Variants in GPC6 observed in about 807,000 individuals in gnomAD.
The protein encoded by GPC6 is glypican 6, also known as glypican-6.
A neutral mutation model predicts 55.2 loss-of-function variants in GPC6; 14 were observed. That is an observed-to-expected ratio of 0.25 (90% CI 0.17 to 0.40). GPC6 has a LOEUF of 0.40. GPC6 is among the 10% of genes least tolerant of loss of function. The pLI, the probability that GPC6 is intolerant of heterozygous loss-of-function variation, is 1.00. For synonymous variants in GPC6, 278 were observed against 259.6 expected, an observed-to-expected ratio of 1.07 and a Z score of -0.68; for missense variants, 641 against 708.5, an observed-to-expected ratio of 0.90 and a Z score of 1.08.
chr13:94,126,442 A>G (rs1168082164), intron 4 of GPC6, among the ~76,000 whole-genome samples: 1 of 152,142 alleles, frequency 6.6e-6, no homozygotes, highest in East Asian at 1.9e-4. Context: ...CCGATTTCAA[A>G]TTTATACTTA....
upstream of GPC6, among the ~76,000 whole-genome samples, chr13:93,225,957 A>C (rs1875764570): frequency 6.6e-6 from 1 of 152,216 alleles, no homozygotes; most frequent in African/African-American, 2.4e-5. Flanking sequence ...GTTTCAACAC[A>C]CACTTCTGCC....
chr13:94,250,570 C>T (rs1236647434), intron 4 of GPC6, among the ~76,000 whole-genome samples: 1 of 152,106 alleles, frequency 6.6e-6, no homozygotes, highest in African/African-American at 2.4e-5. Flanking sequence ...ATAATGAAAG[C>T]TCCCCAAATA....
intron 4 of GPC6, among the ~76,000 whole-genome samples, chr13:94,096,457 T>C (rs1244387578): frequency 6.6e-6 from 1 of 152,158 alleles, no homozygotes; most frequent in Non-Finnish European, 1.5e-5. Flanking sequence ...ACCAATATAT[T>C]TGAGAGGCTC....
At chr13:93,487,669 G>T (rs562432885) in intron 1 of GPC6, among the ~76,000 whole-genome samples, 2 of 152,234 alleles carry the variant, frequency 1.3e-5, no homozygotes, top group East Asian at 3.9e-4. Context: ...ATTTGTATTG[G>T]AACACTGTGC....
chr13:93,240,449 A>C (rs898367719), intron 1 of GPC6, among the ~76,000 whole-genome samples: 1 of 151,918 alleles, frequency 6.6e-6, no homozygotes, highest in Non-Finnish European at 1.5e-5. Flanking sequence ...CTGATATAAG[A>C]ATGACCAGTG....
At chr13:94,304,919 G>C (rs1875864012) in intron 5 of GPC6, among the ~76,000 whole-genome samples, 1 of 152,220 alleles carries the variant, frequency 6.6e-6, no homozygotes. Context: ...GCTCAAGAGA[G>C]TGTTTTTAAA....
At chr13:94,315,991 T>C (rs954999396) in intron 6 of GPC6, among the ~76,000 whole-genome samples, 1 of 152,182 alleles carries the variant, frequency 6.6e-6, no homozygotes, top group Non-Finnish European at 1.5e-5. Flanking sequence ...GTATATCTTA[T>C]GTGTGTCCCA....
At chr13:93,483,341 T>A (rs1879586657) in intron 1 of GPC6, among the ~76,000 whole-genome samples, 1 of 152,124 alleles carries the variant, frequency 6.6e-6, no homozygotes, top group Non-Finnish European at 1.5e-5. Context: ...GTGAAACTTA[T>A]CAGTCAATAA....
At chr13:93,913,198 T>G (rs991725696) in intron 3 of GPC6, among the ~76,000 whole-genome samples, 1 of 152,198 alleles carries the variant, frequency 6.6e-6, no homozygotes, top group Non-Finnish European at 1.5e-5. Context: ...TAAGAATCTC[T>G]TTTTACATGT....
chr13:94,133,696 T>A (rs1292295727), intron 4 of GPC6, among the ~76,000 whole-genome samples: 1 of 151,560 alleles, frequency 6.6e-6, no homozygotes, highest in Admixed American at 6.6e-5. Context: ...TTAGTATGCC[T>A]AAAAAGAACA....
intron 1 of GPC6, among the ~76,000 whole-genome samples, chr13:93,334,205 G>C (rs1879963264): frequency 6.6e-6 from 1 of 151,938 alleles, no homozygotes; most frequent in African/African-American, 2.4e-5. Flanking sequence ...GTTTGTTTCT[G>C]GATTCTGTTC....
chr13:94,252,753 G>C (rs1455873784), intron 4 of GPC6, among the ~76,000 whole-genome samples: 1 of 151,960 alleles, frequency 6.6e-6, no homozygotes, highest in Non-Finnish European at 1.5e-5. Context: ...AACAACCACA[G>C]GGCTGTAAGT....
intron 4 of GPC6, among the ~76,000 whole-genome samples, chr13:94,116,703 G>T (rs1327472853): frequency 6.6e-6 from 1 of 152,098 alleles, no homozygotes; most frequent in East Asian, 1.9e-4. Flanking sequence ...GATGGAGAAT[G>T]AACTCATGGT....
At chr13:94,343,832 G>T (rs1023118078) in intron 6 of GPC6, among the ~76,000 whole-genome samples, 1 of 152,064 alleles carries the variant, frequency 6.6e-6, no homozygotes, top group African/African-American at 2.4e-5. Flanking sequence ...CCAGGCTCAG[G>T]TGATCCTCCC....
At chr13:94,081,332 C>G (rs1223287562) in intron 4 of GPC6, among the ~76,000 whole-genome samples, 1 of 152,148 alleles carries the variant, frequency 6.6e-6, no homozygotes, top group Non-Finnish European at 1.5e-5. Context: ...TACCAATTCT[C>G]TGGAACTCAA....
chr13:94,212,259 T>C (rs1167420289), intron 4 of GPC6, among the ~76,000 whole-genome samples: 1 of 152,192 alleles, frequency 6.6e-6, no homozygotes, highest in Non-Finnish European at 1.5e-5. Context: ...TTCATCAATA[T>C]ATATGAGAAG....
rs191310420 is a variant in GPC6, at chr13:93,375,056, G to A, written c.160+147440G>A. On this transcript the variant is annotated intron_variant, in intron 1 of 8. Coordinates refer to ENST00000377047, the MANE Select transcript of GPC6 (RefSeq NM_005708.5). The stretch of plus-strand genomic sequence containing the variant: ...ATTCGTCTGTCCCTTTAATTGCTTC[G>A]TGCCACTTCTGTCTTTGAAATCCAT... Among the ~76,000 whole-genome samples the A allele has an allele frequency of 1.3e-3, 201 of 152,120 alleles. 1 individual carries two copies. The highest frequency in any genetic ancestry group is 0.01 in the South Asian group (50 of 4,826).
At chr13:94,081,943 C>G (rs1885113593) in intron 4 of GPC6, among the ~76,000 whole-genome samples, 1 of 151,384 alleles carries the variant, frequency 6.6e-6, no homozygotes, top group South Asian at 2.1e-4. Context: ...CGGATTCAAG[C>G]AATTTTTCTG....
intron 1 of GPC6, among the ~76,000 whole-genome samples, chr13:93,491,948 G>A (rs1324725420): frequency 1.7e-5 from 2 of 115,484 alleles, no homozygotes; most frequent in East Asian, 3.2e-4. Context: ...TTGAAGTCAG[G>A]TAGTGTGATG....
Sources: gnomAD v4.1 joint callset for allele counts (sites outside exome capture counted in the v4.1 genomes callset) on GRCh38, gnomAD v4.1.1 for gene constraint, MANE v1.5 for transcripts, NCBI Gene and HGNC (gene_info 2026-07-23, HGNC 2026-07-21) for gene names.